Variants in MRPL37 observed in about 807,000 individuals in gnomAD.
MRPL37 encodes the protein mitochondrial ribosomal protein L37, also known as large ribosomal subunit protein mL37.
In MRPL37, 34 loss-of-function variants were observed where a neutral mutation model predicts 44.1. The observed-to-expected ratio is 0.77, with a 90% confidence interval of 0.59 to 1.03. MRPL37 has a LOEUF of 1.03. Ranked by LOEUF, MRPL37 falls within the 50% of genes least tolerant of loss-of-function variation. The pLI is 0.00. For missense variants in MRPL37, 532 were observed against 543.7 expected (o/e 0.98, Z 0.21); for synonymous variants, 212 against 219.5 (o/e 0.97, Z 0.30).
At chr1:54,205,484 C>G in intron 3 of MRPL37, 74 bp downstream of exon 3, 1 of 1,233,966 alleles carries the variant, frequency 8.1e-7, no homozygotes, top group Non-Finnish European at 1.2e-6. Context: ...ACCACCAGCT[C>G]CCATCCCCCT....
chr1:54,221,373 G>A (rs775327156), downstream of MRPL37, among the ~76,000 whole-genome samples: 10 of 152,104 alleles, frequency 6.6e-5, no homozygotes, highest in Non-Finnish European at 1.0e-4. Context: ...CAGGTGACCC[G>A]ATTGTCTTGA....
At chr1:54,220,467 A>G (rs1012925815), downstream of MRPL37, 11 of 372,294 alleles carry the variant, frequency 3.0e-5, no homozygotes, top group Non-Finnish European at 5.5e-6. Context: ...GCTGCAAAGT[A>G]CAGCTGATCT....
chr1:54,205,447 T>G, intron 3 of MRPL37, 37 bp downstream of exon 3: 1 of 1,560,248 alleles, frequency 6.4e-7, no homozygotes, highest in African/African-American at 1.4e-5. Flanking sequence ...CTTGGTCTGT[T>G]TTTTTTGCCT....
chr1:54,202,497 GTC>G (rs772169233), intron 1 of MRPL37, among the ~76,000 whole-genome samples: 147 of 151,148 alleles, frequency 9.7e-4, no homozygotes, highest in African/African-American at 3.4e-3. Flanking sequence ...CTTTCTCTCT[GTC>G]TCTCTCTCTC....
chr1:54,205,347 C>T lies in MRPL37; in HGVS notation c.583C>T (p.His195Tyr), dbSNP rs1644114164. 1 of 1,614,052 alleles carries T rather than the reference C, an allele frequency of 6.2e-7. No homozygotes were observed. The highest frequency in any genetic ancestry group is 1.7e-5 in the Admixed American group (1 of 60,002). ...GCTGTGTAAATCTCAGATTCTCAAGCATCCTTCTCTGGCCAGGAGGATCTG... is the reference window on the plus strand; with the variant it reads ...GCTGTGTAAATCTCAGATTCTCAAGTATCCTTCTCTGGCCAGGAGGATCTG... ...IQLCKSQILK[H>Y]PSLARRICVQ... The change falls in exon 3 of 7, where the codon CAT (histidine) becomes TAT (tyrosine). Residue 195 changes from histidine to tyrosine, a missense_variant. By Grantham distance (83) the His-to-Tyr change is moderately conservative. Transcript: ENST00000360840.
At chr1:54,220,570 G>C (rs1181874758), downstream of MRPL37, 1 of 455,264 alleles carries the variant, frequency 2.2e-6, no homozygotes, top group Non-Finnish European at 4.6e-6. Context: ...AGTGTGAAGA[G>C]CTGGGAAGCT....
chr1:54,205,489 C>A, intron 3 of MRPL37, 79 bp downstream of exon 3: 2 of 1,166,564 alleles, frequency 1.7e-6, no homozygotes, highest in Non-Finnish European at 2.5e-6. Context: ...CAGCTCCCAT[C>A]CCCCTGCCCC....
At chr1:54,216,523 G>A (rs546960805) in intron 6 of MRPL37, among the ~76,000 whole-genome samples, 179 bp downstream of exon 6, 20 of 152,244 alleles carry the variant, frequency 1.3e-4, no homozygotes, top group African/African-American at 4.8e-4. Flanking sequence ...GCCCTGCCCA[G>A]TGCTCCACTC....
chr1:54,218,153 T>A lies in MRPL37; in HGVS notation c.1195-19T>A. 6.2e-7 allele frequency: 1 copy of A among 1,603,394 alleles called. No individual in the cohort carries two copies. The highest frequency in any genetic ancestry group is 8.5e-7 in the Non-Finnish European group (1 of 1,170,444). The stretch of plus-strand genomic sequence containing the variant: ...GTTAAACCTAGTAGCAGGATCCTAA[T>A]GAACCGTGTTCTTTCCAGGAACCTG... On this transcript the variant is annotated intron_variant, in intron 6 of 6. Coordinates refer to ENST00000360840, the MANE Select transcript of MRPL37 (RefSeq NM_016491.4).
intron 3 of MRPL37, among the ~76,000 whole-genome samples, chr1:54,208,991 A>C (rs1314857139): frequency 6.6e-6 from 1 of 152,228 alleles, no homozygotes; most frequent in East Asian, 1.9e-4. Context: ...ATAGTGCTGC[A>C]GTTGAGAATC....
chr1:54,211,228 C>T (rs1408133494), intron 4 of MRPL37, among the ~76,000 whole-genome samples: 1 of 152,162 alleles, frequency 6.6e-6, no homozygotes, highest in Non-Finnish European at 1.5e-5. Flanking sequence ...CCCACAGCCC[C>T]TGACTTACCT....
downstream of MRPL37, among the ~76,000 whole-genome samples, chr1:54,222,858 A>T (rs977201744): frequency 6.6e-6 from 1 of 152,120 alleles, no homozygotes; most frequent in African/African-American, 2.4e-5. Context: ...TCACCTCCAC[A>T]AACGGCATCT....
chr1:54,224,404 C>T (rs1303669207), downstream of MRPL37, among the ~76,000 whole-genome samples: 1 of 152,218 alleles, frequency 6.6e-6, no homozygotes, highest in East Asian at 1.9e-4. Flanking sequence ...TGCTCTTAGT[C>T]CGTGCACGGC....
intron 1 of MRPL37, among the ~76,000 whole-genome samples, chr1:54,201,278 A>G (rs147022564): frequency 3.1e-4 from 47 of 152,026 alleles, no homozygotes; most frequent in East Asian, 1.7e-3. Flanking sequence ...ATTAGGGGGG[A>G]AAAAAAAGGC....
At chr1:54,203,627 C>T (rs1407139827) in intron 1 of MRPL37, among the ~76,000 whole-genome samples, 1 of 151,988 alleles carries the variant, frequency 6.6e-6, no homozygotes, top group Non-Finnish European at 1.5e-5. Flanking sequence ...GCAAGCACCA[C>T]CACACCCAGC....
Position 54,200,256 on chromosome 1 carries a change from T to C in MRPL37, c.13T>C (p.Ser5Pro), listed in dbSNP as rs1431452517. Residue 5 changes from serine to proline, a missense_variant, in exon 1 of 7, where the codon TCC (serine) becomes CCC (proline). Physicochemically the swap from Ser to Pro is moderately conservative, Grantham distance 74. Transcript: ENST00000360840. MALASGPARRALAGS... is the reference protein window; with the variant it reads MALAPGPARRALAGS... ...CTATCAGATCGGTATGGCATTGGCG[T>C]CCGGGCCCGCAAGGCGGGCGCTAGC... is the stretch of plus-strand genomic sequence containing the variant. 2 of 1,590,948 alleles carry C rather than the reference T, an allele frequency of 1.3e-6. No individual in the cohort carries two copies. Among genetic ancestry groups the C allele is most frequent in the African/African-American group, 1.3e-5 (1 of 74,160 alleles).
chr1:54,215,484 C>T (rs536463988), intron 5 of MRPL37, among the ~76,000 whole-genome samples: 19 of 152,272 alleles, frequency 1.2e-4, no homozygotes, highest in Non-Finnish European at 2.4e-4. Context: ...GAAATCCTGG[C>T]GCTGGCATGG....
chr1:54,217,131 C>G (rs1644203759), intron 6 of MRPL37, among the ~76,000 whole-genome samples: 1 of 152,190 alleles, frequency 6.6e-6, no homozygotes, highest in Admixed American at 6.5e-5. Flanking sequence ...AGTAGGGGTA[C>G]TGCCTGCTCT....
At position 54,215,841 on chromosome 1, in the gene MRPL37, C is replaced by T. The variant is rs368097582; in HGVS notation, c.991-300C>T. On this transcript the variant is annotated intron_variant, in intron 5 of 6. Coordinates refer to ENST00000360840, the MANE Select transcript of MRPL37 (RefSeq NM_016491.4). ...TTTCTGTCATTAACCCCCCAGCTGG[C>T]CTGCCTGAACTCTGGCTTGCCTGGA... is the stretch of plus-strand genomic sequence containing the variant. Among the ~76,000 whole-genome samples, 45 of 152,320 alleles carry T rather than the reference C, an allele frequency of 3.0e-4. No homozygotes were observed. The East Asian group carries it at 5.4e-3, about 18-fold the overall frequency.
Sources: gnomAD v4.1 joint callset for allele counts (sites outside exome capture counted in the v4.1 genomes callset) on GRCh38, gnomAD v4.1.1 for gene constraint, MANE v1.5 for transcripts, NCBI Gene and HGNC (gene_info 2026-07-23, HGNC 2026-07-21) for gene names.